Variants in SETDB2 observed in about 807,000 individuals in gnomAD.
The protein encoded by SETDB2 is histone-lysine N-methyltransferase SETDB2.
In SETDB2, 56 loss-of-function variants were observed where a neutral mutation model predicts 82.5. The observed-to-expected ratio is 0.68, with a 90% confidence interval of 0.55 to 0.85. The LOEUF (loss-of-function observed/expected upper bound fraction) is 0.85. SETDB2 is among the 40% of genes least tolerant of loss of function. SETDB2 has a pLI of 0.00. For synonymous variants in SETDB2, 272 were observed against 284.9 expected (o/e 0.95, Z 0.46); for missense variants, 677 against 816.4 (o/e 0.83, Z 2.08).
Position 49,451,636 on chromosome 13 carries a change from A to G in SETDB2, c.-258A>G, listed in dbSNP as rs986330084. On this transcript the variant is annotated 5_prime_UTR_variant, in exon 2 of 14. Coordinates refer to ENST00000611815, the MANE Select transcript of SETDB2 (RefSeq NM_001160308.3). Reference sequence around the variant, plus strand: ...ATGTTAATGATCTGATACCACTACAAATATTTACGTGAGAAGATTCATGGA... The same window carrying G: ...ATGTTAATGATCTGATACCACTACAGATATTTACGTGAGAAGATTCATGGA... 8 of 326,168 alleles carry G rather than the reference A, an allele frequency of 2.5e-5. No homozygotes were observed. The Admixed American group carries it at 3.5e-4, about 14-fold the overall frequency. The allele number at this position is 326,168 out of a possible 1,614,324, so 20.2% of individuals were successfully genotyped here.
Position 49,481,117 on chromosome 13 carries a change from G to A in SETDB2, c.1156+1G>A, listed in dbSNP as rs1958467514. On this transcript the variant is annotated splice_donor_variant, in intron 8 of 13. Transcript: ENST00000611815. LOFTEE classifies it high-confidence loss of function. The stretch of plus-strand genomic sequence containing the variant: ...GGGACATTTGTTTGCATTTATTCAG[G>A]TAAAGCAAAAGTTTATTTTCAAATT... The A allele has an allele frequency of 6.2e-7, 1 of 1,607,218 alleles. No homozygotes were observed. Among genetic ancestry groups the A allele is most frequent in the South Asian group, 1.1e-5 (1 of 89,978 alleles).
chr13:49,446,693 A>G (rs184484356), intron 1 of SETDB2, among the ~76,000 whole-genome samples: 64 of 152,320 alleles, frequency 4.2e-4, no homozygotes, highest in Admixed American at 3.5e-3. Flanking sequence ...ATCTGTTAAT[A>G]TAAAACATTT....
intron 4 of SETDB2, among the ~76,000 whole-genome samples, chr13:49,461,963 A>T (rs1033249098): frequency 2.0e-5 from 3 of 152,234 alleles, no homozygotes; most frequent in Non-Finnish European, 4.4e-5. Flanking sequence ...AAAGGATATT[A>T]TAAAGGATAC....
chr13:49,456,810 T>C lies in SETDB2; in HGVS notation c.17-3297T>C, dbSNP rs555381913. On this transcript the variant is annotated intron_variant, in intron 2 of 13. Coordinates refer to ENST00000611815, the MANE Select transcript of SETDB2 (RefSeq NM_001160308.3). ...TTGTTAACTGGATCTATTAGTTTCA[T>C]TTATCAGAAAGTTTGGTTACCTCTT... 1.1e-4 allele frequency among the ~76,000 whole-genome samples: 17 copies of C among 152,290 alleles called. No individual in the cohort carries two copies. The South Asian group carries it at 3.1e-3, about 28-fold the overall frequency.
chr13:49,449,410 C>T (rs2138807278), intron 1 of SETDB2, among the ~76,000 whole-genome samples: 1 of 152,108 alleles, frequency 6.6e-6, no homozygotes, highest in South Asian at 2.1e-4. Flanking sequence ...ACCACCACAC[C>T]CAGCTAATTT....
rs1217665109 is a variant in SETDB2 at position 49,476,586 on chromosome 13, G to A, written c.416G>A (p.Cys139Tyr). 1.9e-6 allele frequency: 3 copies of A among 1,614,066 alleles called. No individual in the cohort carries two copies. Among genetic ancestry groups the A allele is most frequent in the Admixed American group, 3.3e-5 (2 of 60,006 alleles). ...CAAAGTCATGACTGCTCTGGTGCTT[G>A]TCTGATGAAAATGCCACTGAACTTG... ...SYQSHDCSGA[C>Y]LMKMPLNLKG... Residue 139 changes from cysteine to tyrosine, a missense_variant, in exon 6 of 14, where the codon TGT (cysteine) becomes TAT (tyrosine). By Grantham distance (194) the Cys-to-Tyr change is radical. Transcript: ENST00000611815.
chr13:49,471,929 TA>T (rs1173360364), intron 5 of SETDB2, among the ~76,000 whole-genome samples: 1,080 of 66,098 alleles, frequency 0.016, 11 homozygotes, highest in African/African-American at 0.059. Flanking sequence ...TATATATATA[TA>T]TATATTTTTT....
chr13:49,472,394 A>G (rs1958268622), intron 5 of SETDB2, among the ~76,000 whole-genome samples: 1 of 152,106 alleles, frequency 6.6e-6, no homozygotes, highest in Non-Finnish European at 1.5e-5. Flanking sequence ...GTGACTAACA[A>G]CACCCTGAAC....
At chr13:49,478,382 G>GAAAACCTTGTTAACAGCTAAT (rs1162127995) in intron 6 of SETDB2, among the ~76,000 whole-genome samples, 1 of 152,190 alleles carries the variant, frequency 6.6e-6, no homozygotes, top group Non-Finnish European at 1.5e-5. Flanking sequence ...TTGTATTAAT[G>GAAAACCTTGTTAACAGCTAAT]AAAACCTTGT....
At chr13:49,452,441 T>A (rs567030883) in intron 2 of SETDB2, among the ~76,000 whole-genome samples, 1 of 152,318 alleles carries the variant, frequency 6.6e-6, no homozygotes, top group African/African-American at 2.4e-5. Context: ...AAAATACTTT[T>A]AGTGTTACAG....
At chr13:49,478,117 C>T (rs185312055) in intron 6 of SETDB2, among the ~76,000 whole-genome samples, 10 of 152,272 alleles carry the variant, frequency 6.6e-5, no homozygotes, top group African/African-American at 2.4e-4. Flanking sequence ...TTTCACCATC[C>T]TCTAAGTTAA....
At chr13:49,489,557 C>T (rs1467029220) in intron 12 of SETDB2, among the ~76,000 whole-genome samples, 1 of 148,702 alleles carries the variant, frequency 6.7e-6, no homozygotes, top group Non-Finnish European at 1.5e-5. Context: ...GTTCCCATGC[C>T]CCGACTCCAC....
chr13:49,483,625 T>G lies in SETDB2; in HGVS notation c.1482+62T>G, dbSNP rs1024870622. ...CTTTTTTAAATTTTTTTTTTTTTTTTTTTTTTTTTTTTTTTTTTTTTGACG... is the reference window on the plus strand; with the variant it reads ...CTTTTTTAAATTTTTTTTTTTTTTTGTTTTTTTTTTTTTTTTTTTTTGACG... On this transcript the variant is annotated intron_variant, in intron 10 of 13. Transcript: ENST00000611815. The G allele has an allele frequency of 4.5e-4, 230 of 510,806 alleles. 1 individual carries two copies. Among genetic ancestry groups the G allele is most frequent in the South Asian group, 2.2e-3 (89 of 41,004 alleles). 31.6% of individuals were successfully genotyped at this position (510,806 alleles called of 1,614,324 possible). A position where few individuals can be genotyped will look rare whatever the true frequency, so the allele number is the denominator to read the frequency against.
At chr13:49,490,779 C>A in intron 12 of SETDB2, 43 bp from the exon 13 acceptor site, 1 of 1,453,362 alleles carries the variant, frequency 6.9e-7, no homozygotes, top group Non-Finnish European at 9.6e-7. Context: ...AGGCATCAGA[C>A]TTTATGCTAT....
chr13:49,475,608 C>A, intron 5 of SETDB2, among the ~76,000 whole-genome samples: 1 of 151,812 alleles, frequency 6.6e-6, no homozygotes, highest in Middle Eastern at 3.4e-3. Context: ...CACCTCAGCC[C>A]CCGAAGTAGC....
At chr13:49,482,653 G>T in intron 8 of SETDB2, 84 bp from the exon 9 acceptor site, 1 of 872,314 alleles carries the variant, frequency 1.1e-6, no homozygotes, top group South Asian at 1.8e-5. Flanking sequence ...GGGTTCTTTA[G>T]TCATGGAGTA....
At chr13:49,479,508 A>C (rs1395632762) in intron 6 of SETDB2, among the ~76,000 whole-genome samples, 3 of 152,220 alleles carry the variant, frequency 2.0e-5, no homozygotes, top group Admixed American at 2.0e-4. Flanking sequence ...TAATTAATAC[A>C]GAAAATACAG....
intron 4 of SETDB2, among the ~76,000 whole-genome samples, chr13:49,466,458 G>A: frequency 1.3e-5 from 2 of 151,610 alleles, no homozygotes; most frequent in East Asian, 1.9e-4. Flanking sequence ...AAAAAAATGT[G>A]GAGTCTAGTT....
At chr13:49,488,831 CTG>C (rs1474049184) in intron 12 of SETDB2, 2 of 491,626 alleles carry the variant, frequency 4.1e-6, no homozygotes, top group Non-Finnish European at 7.2e-6. Context: ...TAAATGATAA[CTG>C]TCTCAGGATG....
Sources: allele counts gnomAD v4.1 joint callset (sites outside exome capture counted in the v4.1 genomes callset), GRCh38; gene constraint gnomAD v4.1.1; transcripts MANE v1.5; gene names NCBI Gene and HGNC (gene_info 2026-07-23, HGNC 2026-07-21).